FSTL4: variants seen among roughly 807,000 people sequenced by gnomAD.
FSTL4 encodes follistatin like 4, also known as follistatin-related protein 4.
Under a neutral mutation model 78.2 loss-of-function variants are expected in FSTL4, and 28 were observed. That is an observed-to-expected ratio of 0.36 (90% confidence interval 0.27 to 0.49). FSTL4 has a LOEUF of 0.49. Among genes scored for constraint, FSTL4 ranks in the 20% least tolerant of loss-of-function variants. FSTL4 has a pLI of 0.98. For synonymous variants in FSTL4, 422 were observed against 440.5 expected (o/e 0.96, Z 0.53); for missense variants, 922 against 1,084.9 (o/e 0.85, Z 2.11).
At chr5:133,232,594 A>G (rs1156541702) in intron 8 of FSTL4, among the ~76,000 whole-genome samples, 1 of 152,174 alleles carries the variant, frequency 6.6e-6, no homozygotes, top group Non-Finnish European at 1.5e-5. Context: ...CATTATATAC[A>G]TATTCTATTT....
At chr5:133,527,787 C>T (rs988090436) in intron 3 of FSTL4, among the ~76,000 whole-genome samples, 3 of 152,170 alleles carry the variant, frequency 2.0e-5, no homozygotes, top group Admixed American at 1.3e-4. Flanking sequence ...CAGCAGGGTG[C>T]CTGGCCCAGA....
the FSTL4 span, among the ~76,000 whole-genome samples, chr5:133,769,829 AATTTTCC>A: frequency 6.6e-6 from 1 of 152,038 alleles, no homozygotes; most frequent in African/African-American, 2.4e-5. Flanking sequence ...ACCCAATAGG[AATTTTCC>A]ATCCCTCAAT....
chr5:133,300,053 T>G (rs1345604513), intron 6 of FSTL4, among the ~76,000 whole-genome samples: 3 of 152,160 alleles, frequency 2.0e-5, no homozygotes, highest in African/African-American at 7.2e-5. Context: ...AGCCCTTAGC[T>G]TTACCAGGAA....
At chr5:133,788,312 G>A in the FSTL4 span, among the ~76,000 whole-genome samples, 1 of 152,216 alleles carries the variant, frequency 6.6e-6, no homozygotes. Flanking sequence ...CGGTTTCCGT[G>A]GCTGGAAAAT....
At chr5:133,622,060 C>T in the FSTL4 span, among the ~76,000 whole-genome samples, 78 of 152,242 alleles carry the variant, frequency 5.1e-4, no homozygotes, top group Middle Eastern at 6.8e-3. Context: ...TCCCTCCCCC[C>T]TTATCCCTAA....
At chr5:133,290,113 G>A (rs1018359152) in intron 6 of FSTL4, among the ~76,000 whole-genome samples, 2 of 152,178 alleles carry the variant, frequency 1.3e-5, no homozygotes, top group Non-Finnish European at 2.9e-5. Flanking sequence ...AGCTGCCCAG[G>A]TGCAGCACCA....
chr5:133,302,696 C>T (rs1753571903), intron 6 of FSTL4, among the ~76,000 whole-genome samples: 1 of 152,244 alleles, frequency 6.6e-6, no homozygotes, highest in Non-Finnish European at 1.5e-5. Context: ...CTCTCTGCCC[C>T]TCAGCCATCA....
At chr5:133,839,213 T>G in the FSTL4 span, among the ~76,000 whole-genome samples, 1 of 152,158 alleles carries the variant, frequency 6.6e-6, no homozygotes, top group African/African-American at 2.4e-5. Flanking sequence ...GGCCTGAGTC[T>G]CCTGCTGCCC....
intron 3 of FSTL4, among the ~76,000 whole-genome samples, chr5:133,459,557 T>A (rs187425): frequency 0.47 from 70,781 of 152,030 alleles, 17,851 homozygotes; most frequent in African/African-American, 0.66. Context: ...GTAAATTAAA[T>A]ATTCAATTAG....
chr5:133,425,797 T>A (rs1756800565), intron 3 of FSTL4, among the ~76,000 whole-genome samples: 1 of 152,238 alleles, frequency 6.6e-6, no homozygotes, highest in Admixed American at 6.5e-5. Context: ...CCTCAAAGCT[T>A]ATGATCCAGT....
At chr5:133,628,689 C>T in the FSTL4 span, among the ~76,000 whole-genome samples, 1 of 151,360 alleles carries the variant, frequency 6.6e-6, no homozygotes. Flanking sequence ...AAAGGATTAG[C>T]TAAATAGATA....
intron 4 of FSTL4, among the ~76,000 whole-genome samples, chr5:133,392,840 T>C (rs1704695785): frequency 6.6e-6 from 1 of 152,130 alleles, no homozygotes; most frequent in Non-Finnish European, 1.5e-5. Flanking sequence ...TTTCCATAAG[T>C]GAAATCAATG....
chr5:133,404,296 T>C (rs1274716811), intron 3 of FSTL4, among the ~76,000 whole-genome samples: 3 of 152,064 alleles, frequency 2.0e-5, no homozygotes, highest in African/African-American at 4.8e-5. Context: ...TAAAACAGAA[T>C]GAATTCCCCA....
At chr5:133,609,323 A>G (rs1761040403) in intron 1 of FSTL4, among the ~76,000 whole-genome samples, 1 of 152,198 alleles carries the variant, frequency 6.6e-6, no homozygotes, top group Non-Finnish European at 1.5e-5. Context: ...CATGTTGGCA[A>G]TCAACATATA....
the FSTL4 span, among the ~76,000 whole-genome samples, chr5:133,789,443 T>G: frequency 6.6e-6 from 1 of 152,224 alleles, no homozygotes; most frequent in African/African-American, 2.4e-5. Context: ...AGCTAATCAC[T>G]AGATAATTGT....
the FSTL4 span, among the ~76,000 whole-genome samples, chr5:133,635,699 G>T: frequency 6.6e-6 from 1 of 152,146 alleles, no homozygotes; most frequent in Non-Finnish European, 1.5e-5. Flanking sequence ...GGAGACGGAG[G>T]TTGCGTTGAG....
chr5:133,553,196 G>C (rs1451024826), intron 3 of FSTL4, among the ~76,000 whole-genome samples: 1 of 152,198 alleles, frequency 6.6e-6, no homozygotes, highest in Non-Finnish European at 1.5e-5. Flanking sequence ...GCTTGTCCAA[G>C]ACTAATAGCC....
At chr5:133,313,801 A>G (rs988141260) in intron 5 of FSTL4, among the ~76,000 whole-genome samples, 1 of 152,164 alleles carries the variant, frequency 6.6e-6, no homozygotes, top group Non-Finnish European at 1.5e-5. Flanking sequence ...CAATCTTCCA[A>G]AGATGGAAAT....
chr5:133,552,070 A>AT (rs1561466535), intron 3 of FSTL4, among the ~76,000 whole-genome samples: 1 of 152,182 alleles, frequency 6.6e-6, no homozygotes, highest in Non-Finnish European at 1.5e-5. Flanking sequence ...CATTAGAGAC[A>AT]TTCAAGGAGG....
Sources: gnomAD v4.1 joint callset for allele counts (sites outside exome capture counted in the v4.1 genomes callset) on GRCh38, gnomAD v4.1.1 for gene constraint, MANE v1.5 for transcripts, NCBI Gene and HGNC (gene_info 2026-07-23, HGNC 2026-07-21) for gene names.